PLEKHA7: variants seen among roughly 807,000 people sequenced by gnomAD.
The protein encoded by PLEKHA7 is pleckstrin homology domain containing A7, also known as pleckstrin homology domain-containing family A member 7.
In PLEKHA7, 104 loss-of-function variants were observed where a neutral mutation model predicts 170.0. That is an observed-to-expected ratio of 0.61 (90% CI 0.52 to 0.72). The LOEUF (loss-of-function observed/expected upper bound fraction) is 0.72. PLEKHA7 is among the 30% of genes least tolerant of loss of function. The pLI is 0.00. For missense variants in PLEKHA7, 1,615 were observed against 1,671.7 expected (o/e 0.97, Z 0.59); for synonymous variants, 648 against 660.8 (o/e 0.98, Z 0.30).
Position 16,817,313 on chromosome 11 carries a change from C to T in PLEKHA7, c.1353G>A (p.Leu451=), listed in dbSNP as rs772833672. The change falls in exon 11 of 27, where the codon TTG becomes TTA. Residue 451 remains leucine (L), a synonymous_variant. Coordinates refer to ENST00000531066, the MANE Select transcript of PLEKHA7 (RefSeq NM_001329630.2). The surrounding 1 kb of genome is among the most constrained non-coding windows in gnomAD (Gnocchi z 4.4). ...AQKGDSRSLP[L]DQTLPRQGPG... is the part of the protein sequence containing the mutation. ...GACCCTGGCGAGGAAGCGTCTGGTC[C>T]AAGGGAAGACTGAGGAGAAAGGGTA... 6 of 1,607,448 alleles carry T rather than the reference C, an allele frequency of 3.7e-6. No individual in the cohort carries two copies. In the South Asian group the frequency reaches 5.5e-5, roughly 15 times the overall value.
intron 3 of PLEKHA7, among the ~76,000 whole-genome samples, chr11:16,891,347 A>C (rs1309659171): frequency 1.3e-5 from 2 of 152,212 alleles, no homozygotes; most frequent in African/African-American, 4.8e-5. Flanking sequence ...ACAGAGGCGG[A>C]GATTGGAGTG....
At chr11:16,859,836 G>C (rs146832475) in intron 4 of PLEKHA7, among the ~76,000 whole-genome samples, 2 of 152,358 alleles carry the variant, frequency 1.3e-5, no homozygotes, top group South Asian at 2.1e-4. Flanking sequence ...GGCACACTGC[G>C]TCACGCAGAC....
chr11:16,908,487 A>T (rs1048143862), intron 3 of PLEKHA7, among the ~76,000 whole-genome samples: 4 of 146,766 alleles, frequency 2.7e-5, no homozygotes, highest in African/African-American at 1.1e-4. Flanking sequence ...AGACTGAGAA[A>T]ATAATTTTTT....
intron 3 of PLEKHA7, among the ~76,000 whole-genome samples, chr11:16,982,810 G>C (rs1037675807): frequency 1.0e-4 from 10 of 98,248 alleles, no homozygotes; most frequent in African/African-American, 2.4e-4. Flanking sequence ...CACACACGGA[G>C]AAAGAGAGAC....
At chr11:16,790,035 C>T in intron 21 of PLEKHA7, 157 bp from the exon 22 acceptor site, 1 of 699,408 alleles carries the variant, frequency 1.4e-6, no homozygotes, top group Admixed American at 2.4e-5. Flanking sequence ...GGAGCAAGGT[C>T]CCCAATAGAG....
At chr11:16,804,892 G>T (rs915446397) in intron 13 of PLEKHA7, among the ~76,000 whole-genome samples, 21 of 152,270 alleles carry the variant, frequency 1.4e-4, no homozygotes, top group East Asian at 9.6e-4. Context: ...TGCAATGCGG[G>T]GGGGGCGGTG....
At chr11:17,009,989 A>G (rs1865229531) in intron 3 of PLEKHA7, among the ~76,000 whole-genome samples, 1 of 152,214 alleles carries the variant, frequency 6.6e-6, no homozygotes, top group Non-Finnish European at 1.5e-5. Context: ...AACCAACAGT[A>G]GATTTCTTAT....
At chr11:16,845,454 C>T (rs946860427) in intron 8 of PLEKHA7, among the ~76,000 whole-genome samples, 34 of 152,288 alleles carry the variant, frequency 2.2e-4, no homozygotes, top group African/African-American at 7.9e-4. Flanking sequence ...GCAACCTTCG[C>T]CTCCCTGGTT....
At chr11:16,783,292 C>T (rs996087801) in intron 25 of PLEKHA7, among the ~76,000 whole-genome samples, 12 of 152,236 alleles carry the variant, frequency 7.9e-5, no homozygotes, top group Non-Finnish European at 1.3e-4. Flanking sequence ...TGGTGCCCTA[C>T]GGACAAGGCT....
At chr11:16,984,347 C>G (rs533985602) in intron 3 of PLEKHA7, among the ~76,000 whole-genome samples, 2 of 152,032 alleles carry the variant, frequency 1.3e-5, no homozygotes, top group East Asian at 3.9e-4. Flanking sequence ...TATCCTTATT[C>G]TAAAGCAAAA....
intron 10 of PLEKHA7, among the ~76,000 whole-genome samples, chr11:16,823,006 T>TTTAC (rs1850365069): frequency 6.6e-6 from 1 of 151,868 alleles, no homozygotes; most frequent in Non-Finnish European, 1.5e-5. Context: ...TATTTATTTA[T>TTTAC]TTTTTGGAGA....
chr11:16,929,374 T>C (rs1338916662), intron 3 of PLEKHA7, among the ~76,000 whole-genome samples: 1 of 152,252 alleles, frequency 6.6e-6, no homozygotes, highest in African/African-American at 2.4e-5. Flanking sequence ...CTAATGAGTC[T>C]GTCCCCTACT....
chr11:16,781,380 AG>A (rs1471915549), intron 26 of PLEKHA7, among the ~76,000 whole-genome samples: 5 of 152,188 alleles, frequency 3.3e-5, no homozygotes, highest in Non-Finnish European at 7.3e-5. Flanking sequence ...GCTGGCAATA[AG>A]GAGGCCGAGG....
intron 3 of PLEKHA7, among the ~76,000 whole-genome samples, chr11:16,981,989 T>G (rs1473037756): frequency 6.6e-6 from 1 of 152,104 alleles, no homozygotes; most frequent in African/African-American, 2.4e-5. Context: ...CCTCGGCCCT[T>G]CGGCATGCAA....
intron 3 of PLEKHA7, among the ~76,000 whole-genome samples, chr11:16,915,731 A>G (rs1183252601): frequency 2.0e-5 from 3 of 151,472 alleles, no homozygotes; most frequent in Admixed American, 1.3e-4. Context: ...CATGGTATAT[A>G]TGTGCCACAT....
intron 3 of PLEKHA7, among the ~76,000 whole-genome samples, chr11:17,006,653 T>C (rs1168058035): frequency 1.3e-5 from 2 of 148,420 alleles, no homozygotes; most frequent in Non-Finnish European, 3.0e-5. Flanking sequence ...GAAGATGATA[T>C]ATAAGTGAAT....
At chr11:17,001,041 C>T (rs1053318346) in intron 3 of PLEKHA7, among the ~76,000 whole-genome samples, 2 of 152,164 alleles carry the variant, frequency 1.3e-5, no homozygotes, top group Admixed American at 1.3e-4. Flanking sequence ...ACCCCTAATC[C>T]CCAGCTCCTT....
At chr11:16,825,808 C>T (rs1850588917) in intron 10 of PLEKHA7, among the ~76,000 whole-genome samples, 1 of 152,206 alleles carries the variant, frequency 6.6e-6, no homozygotes, top group South Asian at 2.1e-4. Flanking sequence ...TGTCTCAAGG[C>T]ATTCTCTCTG....
chr11:16,940,041 T>C (rs2353367), intron 3 of PLEKHA7, among the ~76,000 whole-genome samples: 136,288 of 152,200 alleles, frequency 0.9, 61,082 homozygotes, highest in African/African-American at 0.94. Context: ...CCACTGGTGC[T>C]GGGGGCAAGA....
Sources: allele counts gnomAD v4.1 joint callset (sites outside exome capture counted in the v4.1 genomes callset), GRCh38; gene constraint gnomAD v4.1.1; non-coding constraint Gnocchi (gnomAD v3.1); transcripts MANE v1.5; gene names NCBI Gene and HGNC (gene_info 2026-07-23, HGNC 2026-07-21).